Variants in CCHCR1 observed in about 807,000 individuals in gnomAD.
The protein encoded by CCHCR1 is HCR (a-helix coiled-coil rod homologue).
CCHCR1 carries 91 observed loss-of-function variants against 114.6 expected under a neutral mutation model. The ratio of observed to expected loss-of-function variants is 0.79; its 90% confidence interval spans 0.67 to 0.94. The LOEUF (loss-of-function observed/expected upper bound fraction) is 0.94. CCHCR1 is among the 40% of genes least tolerant of loss of function. CCHCR1 has a pLI of 0.00. For synonymous variants in CCHCR1, 379 were observed against 428.5 expected (o/e 0.88, Z 1.43); for missense variants, 899 against 1,079.9 (o/e 0.83, Z 2.35).
intron 1 of CCHCR1, 92 bp from the exon 2 acceptor site, chr6:31,157,181 GA>G: frequency 1.7e-6 from 2 of 1,167,792 alleles, no homozygotes; most frequent in South Asian, 2.6e-5. Context: ...CATAATCCTT[GA>G]ATTATAGCCA....
At chr6:31,153,349 CCA>C (rs1241049743) in intron 4 of CCHCR1, among the ~76,000 whole-genome samples, 1 of 152,050 alleles carries the variant, frequency 6.6e-6, no homozygotes, top group Non-Finnish European at 1.5e-5. Context: ...CTTTCCCTTA[CCA>C]ATTTCTAGGC....
At chr6:31,153,261 A>C (rs1232241046) in intron 4 of CCHCR1, among the ~76,000 whole-genome samples, 1 of 152,170 alleles carries the variant, frequency 6.6e-6, no homozygotes, top group Non-Finnish European at 1.5e-5. Flanking sequence ...GGCATGAGCC[A>C]CTGTGCCTGG....
In CCHCR1 at chr6:31,150,490, T is replaced by C; in HGVS notation, c.1177A>G (p.Ile393Val). The C allele has an allele frequency of 6.2e-7, 1 of 1,612,572 alleles. No homozygotes were observed. The highest frequency in any genetic ancestry group is 1.3e-5 in the African/African-American group (1 of 74,968). Residue 393 changes from isoleucine (I) to valine (V), a missense_variant, in exon 7 of 18, where the codon ATC becomes GTC. Ile to Val is a conservative substitution (Grantham distance 29, BLOSUM62 3). Transcript: ENST00000396268. The surrounding 1 kb of genome is among the most constrained non-coding windows in gnomAD (Gnocchi z 5.3). ...AGCTCCTCCTCCTGCAGGGCGAGGA[T>C]GTGTGTGAGGCTCTGCACCCGCACC... ...LQVRVQSLTH[I>V]LALQEEELTR...
In CCHCR1 at chr6:31,145,244, C is replaced by T; in HGVS notation, c.1798G>A (p.Glu600Lys). 6.2e-7 allele frequency: 1 copy of T among 1,613,850 alleles called. No individual in the cohort carries two copies. Among genetic ancestry groups the T allele is most frequent in the Non-Finnish European group, 8.5e-7 (1 of 1,180,000 alleles). The change falls in exon 13 of 18, where the codon GAA (glutamate) becomes AAA (lysine). Residue 600 changes from glutamate to lysine, a missense_variant. Glu to Lys is a moderately conservative substitution (Grantham distance 56). Coordinates refer to ENST00000396268, the MANE Select transcript of CCHCR1 (RefSeq NM_001105564.2). ...AGTTCTGCATCCAGGCGGTTCCGTT[C>T]TTCCCGCAACTGCTGCAACTCAAGG... ...VSLELQQLRE[E>K]RNRLDAELQL...
At chr6:31,153,338 T>C (rs886422112) in intron 4 of CCHCR1, among the ~76,000 whole-genome samples, 15 of 152,126 alleles carry the variant, frequency 9.9e-5, no homozygotes, top group African/African-American at 2.9e-4. Flanking sequence ...GGATTGCTGG[T>C]CTTTCCCTTA....
At position 31,148,375 on chromosome 6, in the gene CCHCR1, C is replaced by T; in HGVS notation, c.1580+30G>A. ...CCAGGAACCTGAGGTGGCAGAAACA[C>T]TACTCCACCCACCCCTCCATCCCTG... On this transcript the variant is annotated intron_variant, in intron 10 of 17. Transcript: ENST00000396268. The T allele has an allele frequency of 2.2e-6, 3 of 1,357,264 alleles. 1 individual carries two copies. The South Asian group carries it at 3.8e-5, about 17-fold the overall frequency. 84.1% of individuals were successfully genotyped at this position (1,357,264 alleles called of 1,614,324 possible). A position where few individuals can be genotyped will look rare whatever the true frequency, so the allele number is the denominator to read the frequency against.
chr6:31,150,738 A>T lies in CCHCR1; in HGVS notation c.1088T>A (p.Leu363Gln). ...CTGCACCCTCACCTGCATGGTTTCCAGAAGCTTCTGTCGCTCCAGTTCCCA... is the reference window on the plus strand; with the variant it reads ...CTGCACCCTCACCTGCATGGTTTCCTGAAGCTTCTGTCGCTCCAGTTCCCA... ...QTWELERQKL[L>Q]ETMQHLQEDR... Residue 363 changes from leucine (L) to glutamine (Q), a missense_variant, in exon 6 of 18, where the codon CTG (leucine) becomes CAG (glutamine). Leu to Gln is a moderately radical substitution (Grantham distance 113). Transcript: ENST00000396268. This position sits in a 1 kb window ranked among gnomAD's most constrained non-coding sequence, Gnocchi z 5.3. 6.2e-7 allele frequency: 1 copy of T among 1,612,700 alleles called. No homozygotes were observed. The highest frequency in any genetic ancestry group is 1.1e-5 in the South Asian group (1 of 91,062).
chr6:31,151,038 GAC>G lies in CCHCR1; in HGVS notation c.884_885del (p.Ser295ThrfsTer41). On this transcript the variant is annotated frameshift_variant, in exon 5 of 18. Coordinates refer to ENST00000396268, the MANE Select transcript of CCHCR1 (RefSeq NM_001105564.2). LOFTEE classifies it high-confidence loss of function. The surrounding 1 kb of genome is among the most constrained non-coding windows in gnomAD (Gnocchi z 4.1). ...KAEGLEKSLS[S>X]LETRRAGEAK... Reference sequence around the variant, plus strand: ...GCTTCCCCTGCTCTTCTGGTTTCCAGACTACTCAGAGACTTCTCCAAGCCCTC... The same window carrying G: ...GCTTCCCCTGCTCTTCTGGTTTCCAGTACTCAGAGACTTCTCCAAGCCCTC... 1 of 1,613,078 alleles carries G rather than the reference GAC, an allele frequency of 6.2e-7. No individual in the cohort carries two copies. Among genetic ancestry groups the G allele is most frequent in the Non-Finnish European group, 8.5e-7 (1 of 1,180,026 alleles).
intron 4 of CCHCR1, among the ~76,000 whole-genome samples, chr6:31,153,740 T>C (rs149656636): frequency 0.043 from 6,485 of 152,218 alleles, 216 homozygotes; most frequent in Middle Eastern, 0.088. Context: ...CCACCACGCC[T>C]GGTGAATTTT....
chr6:31,143,826 C>T lies in CCHCR1; in HGVS notation c.2168-413G>A, dbSNP rs2150992578. On this transcript the variant is annotated intron_variant, in intron 15 of 17. Coordinates refer to ENST00000396268, the MANE Select transcript of CCHCR1 (RefSeq NM_001105564.2). This position sits in a 1 kb window ranked among gnomAD's most constrained non-coding sequence, Gnocchi z 5.3. ...CTATAATCCCAGCACTTTGGGATGC[C>T]AAGGCGGGCGGATCACGAGGTTAGG... Among the ~76,000 whole-genome samples the T allele has an allele frequency of 6.6e-6, 1 of 152,284 alleles. No homozygotes were observed. Among genetic ancestry groups the T allele is most frequent in the Middle Eastern group, 3.4e-3 (1 of 294 alleles).
In CCHCR1 at chr6:31,154,820, A is replaced by G; in HGVS notation, c.498-21T>C. On this transcript the variant is annotated intron_variant, in intron 3 of 17. Transcript: ENST00000396268. This position sits in a 1 kb window ranked among gnomAD's most constrained non-coding sequence, Gnocchi z 4.1. Reference sequence around the variant, plus strand: ...AGGACCTTCAAAGACAGGTTAGTGCAGGTGAGACTTGTCTCCAGTGCTGGA... The same window carrying G: ...AGGACCTTCAAAGACAGGTTAGTGCGGGTGAGACTTGTCTCCAGTGCTGGA... 2 of 1,579,582 alleles carry G rather than the reference A, an allele frequency of 1.3e-6. No homozygotes were observed. Among genetic ancestry groups the G allele is most frequent in the Non-Finnish European group, 1.7e-6 (2 of 1,166,330 alleles).
At chr6:31,153,282 T>A (rs1263856563) in intron 4 of CCHCR1, among the ~76,000 whole-genome samples, 1 of 152,112 alleles carries the variant, frequency 6.6e-6, no homozygotes, top group Non-Finnish European at 1.5e-5. Flanking sequence ...CCTAGCTTCT[T>A]GTTTCTAAGT....
chr6:31,148,361 AG>A (rs1246143630), intron 10 of CCHCR1, 43 bp downstream of exon 10: 1 of 1,226,552 alleles, frequency 8.2e-7, no homozygotes, highest in Non-Finnish European at 1.2e-6. Flanking sequence ...CAGGAACCTG[AG>A]GTGGCAGAAA....
In CCHCR1 at chr6:31,145,085, G is replaced by C; in HGVS notation, c.1877-12C>G. 1.3e-6 allele frequency: 2 copies of C among 1,599,274 alleles called. No homozygotes were observed. The highest frequency in any genetic ancestry group is 1.7e-6 in the Non-Finnish European group (2 of 1,175,910). On this transcript the variant is annotated splice_polypyrimidine_tract_variant and intron_variant, in intron 13 of 17. Coordinates refer to ENST00000396268, the MANE Select transcript of CCHCR1 (RefSeq NM_001105564.2). ...CCGCTCTGCCTCCCCTAAAAGGAGGGGGTGCTGGGTCAGGCCTCTCCCAGC... is the reference window on the plus strand; with the variant it reads ...CCGCTCTGCCTCCCCTAAAAGGAGGCGGTGCTGGGTCAGGCCTCTCCCAGC...
Position 31,150,942 on chromosome 6 carries a change from G to A in CCHCR1, c.965+17C>T, listed in dbSNP as rs376333175. ...CATCACTAATTGCTGGGCTCCCGTC[G>A]GCGTCCGCCCACCTACCTCAGCTGC... On this transcript the variant is annotated intron_variant, in intron 5 of 17. Transcript: ENST00000396268. The surrounding 1 kb of genome is among the most constrained non-coding windows in gnomAD (Gnocchi z 5.3). 44 of 1,611,972 alleles carry A rather than the reference G, an allele frequency of 2.7e-5. No homozygotes were observed. The highest frequency in any genetic ancestry group is 1.3e-4 in the Admixed American group (8 of 59,926).
At chr6:31,152,460 T>TCCCG (rs28383832) in intron 4 of CCHCR1, among the ~76,000 whole-genome samples, 21,567 of 151,446 alleles carry the variant, frequency 0.14, 1,682 homozygotes, top group East Asian at 0.3. Context: ...TGCCTCACCC[T>TCCCG]CCTGAGTAGC....
chr6:31,154,420 AATACCT>A lies in CCHCR1; in HGVS notation c.801+70_801+75del. 8.4e-7 allele frequency: 1 copy of A among 1,189,864 alleles called. No individual in the cohort carries two copies. The highest frequency in any genetic ancestry group is 2.4e-5 in the East Asian group (1 of 42,508). 73.7% of individuals were successfully genotyped at this position (1,189,864 alleles called of 1,614,324 possible). On this transcript the variant is annotated intron_variant, in intron 4 of 17. Transcript: ENST00000396268. The surrounding 1 kb of genome is among the most constrained non-coding windows in gnomAD (Gnocchi z 4.1). ...ACTACTCATGGAGGGTCTTTTCTGC[AATACCT>A]GTTCTTTGCTTGGAAGCTACTGCCC...
intron 4 of CCHCR1, among the ~76,000 whole-genome samples, chr6:31,152,511 G>A (rs1310012133): frequency 6.6e-6 from 1 of 151,682 alleles, no homozygotes; most frequent in Non-Finnish European, 1.5e-5. Context: ...GCTAATTTTT[G>A]TATTTTTAGT....
At chr6:31,146,796 G>A (rs2240064) in intron 10 of CCHCR1, among the ~76,000 whole-genome samples, 84,904 of 151,940 alleles carry the variant, frequency 0.56, 23,680 homozygotes, top group Middle Eastern at 0.64. Context: ...TTCTGTGATC[G>A]CCTGGTACCA....
Sources: allele counts gnomAD v4.1 joint callset (sites outside exome capture counted in the v4.1 genomes callset), GRCh38; gene constraint gnomAD v4.1.1; non-coding constraint Gnocchi (gnomAD v3.1); transcripts MANE v1.5; gene names NCBI Gene and HGNC (gene_info 2026-07-23, HGNC 2026-07-21).